The following FBLN2 variants were observed in gnomAD, a reference collection of about 807,000 sequenced individuals.
The protein encoded by FBLN2 is fibulin 2.
In FBLN2, 81 loss-of-function variants were observed where a neutral mutation model predicts 123.7. The ratio of observed to expected loss-of-function variants is 0.65; its 90% confidence interval spans 0.55 to 0.79. The LOEUF (loss-of-function observed/expected upper bound fraction) is 0.79, where lower values mean the gene tolerates loss of function less well. Ranked by LOEUF, FBLN2 falls within the 30% of genes least tolerant of loss-of-function variation. FBLN2 has a pLI of 0.00. For missense variants in FBLN2, 1,603 were observed against 1,681.3 expected, an observed-to-expected ratio of 0.95 and a Z score of 0.81; for synonymous variants, 699 against 701.4, an observed-to-expected ratio of 1.00 and a Z score of 0.05.
At chr3:13,619,160 G>A in intron 7 of FBLN2, 143 bp downstream of exon 7, 1 of 649,056 alleles carries the variant, frequency 1.5e-6, no homozygotes, top group Non-Finnish European at 2.7e-6. Flanking sequence ...TGGGGATGAT[G>A]GGCTTACCCT....
chr3:13,555,606 C>T lies in FBLN2; in HGVS notation c.-42+6398C>T, dbSNP rs60337042. Among the ~76,000 whole-genome samples, 500 of 152,202 alleles carry T rather than the reference C, an allele frequency of 3.3e-3. 3 individuals carry two copies. Among genetic ancestry groups the T allele is most frequent in the African/African-American group, 0.01 (434 of 41,566 alleles). ...AGTAGCTGGGACTACAGGCGCCCGC[C>T]ACCATGCCTGGCTAATTTTTTGTAT... On this transcript the variant is annotated intron_variant, in intron 1 of 17. Coordinates refer to ENST00000404922, the MANE Select transcript of FBLN2 (RefSeq NM_001004019.2).
At chr3:13,598,442 A>T (rs1187023787) in intron 2 of FBLN2, among the ~76,000 whole-genome samples, 1 of 152,232 alleles carries the variant, frequency 6.6e-6, no homozygotes, top group Non-Finnish European at 1.5e-5. Flanking sequence ...GCCTGTGCTC[A>T]TCTTGTGACC....
At chr3:13,577,118 G>A (rs1011150061) in intron 2 of FBLN2, among the ~76,000 whole-genome samples, 17 of 151,872 alleles carry the variant, frequency 1.1e-4, no homozygotes, top group Non-Finnish European at 2.1e-4. Flanking sequence ...AGCTACTCAG[G>A]AGGCTGAGGC....
intron 5 of FBLN2, 84 bp downstream of exon 5, chr3:13,614,248 A>G (rs544925500): frequency 7.3e-7 from 1 of 1,361,620 alleles, no homozygotes; most frequent in East Asian, 2.4e-5. Flanking sequence ...TGGGTCCATC[A>G]TCACCTGTGG....
intron 4 of FBLN2, among the ~76,000 whole-genome samples, chr3:13,612,331 C>CTTTCTTTCTTTCTTTCTTTCT (rs1559418775): frequency 2.0e-5 from 2 of 101,560 alleles, no homozygotes; most frequent in African/African-American, 6.4e-5. Context: ...TTCTTTCTTT[C>CTTTCTTTCTTTCTTTCTTTCT]TTTCTTTCTT....
At chr3:13,606,116 T>C (rs1195799359) in intron 2 of FBLN2, among the ~76,000 whole-genome samples, 4 of 152,064 alleles carry the variant, frequency 2.6e-5, no homozygotes, top group African/African-American at 7.2e-5. Context: ...TCCAGGCTGG[T>C]CTCGAACTCC....
chr3:13,602,910 C>CTTTTTTTTT (rs199820446), intron 2 of FBLN2, among the ~76,000 whole-genome samples: 1 of 148,054 alleles, frequency 6.8e-6, no homozygotes, highest in African/African-American at 2.5e-5. Context: ...TTCTTTCTTT[C>CTTTTTTTTT]TTTCTTTTTT....
intron 2 of FBLN2, among the ~76,000 whole-genome samples, chr3:13,574,904 C>T (rs2124831143): frequency 6.6e-6 from 1 of 152,334 alleles, no homozygotes; most frequent in African/African-American, 2.4e-5. Context: ...GCTGCGTGCA[C>T]ATGGCCGTGA....
rs376023220 is a variant in FBLN2, at chr3:13,629,809, C to G, written c.2843-11C>G. The G allele has an allele frequency of 1.1e-5, 17 of 1,563,676 alleles. No individual in the cohort carries two copies. Among genetic ancestry groups the G allele is most frequent in the Non-Finnish European group, 4.3e-6 (5 of 1,154,320 alleles). ...CCACCTACCCTGTACCTGCTGCCTG[C>G]CCTCCCACAGACGTGAATGAGTGCT... On this transcript the variant is annotated splice_polypyrimidine_tract_variant and intron_variant, in intron 13 of 17. Coordinates refer to ENST00000404922, the MANE Select transcript of FBLN2 (RefSeq NM_001004019.2).
intron 4 of FBLN2, among the ~76,000 whole-genome samples, chr3:13,611,575 G>T (rs1366130393): frequency 6.6e-6 from 1 of 152,128 alleles, no homozygotes; most frequent in East Asian, 1.9e-4. Flanking sequence ...TGTCTTCAAG[G>T]TTCATCCATG....
At chr3:13,597,737 C>T (rs539536721) in intron 2 of FBLN2, among the ~76,000 whole-genome samples, 23 of 152,338 alleles carry the variant, frequency 1.5e-4, no homozygotes, top group Non-Finnish European at 3.2e-4. Context: ...AGTGGTTTTC[C>T]AGAGTGGACC....
At chr3:13,636,899 G>A (rs868746024) in intron 17 of FBLN2, among the ~76,000 whole-genome samples, 6 of 152,214 alleles carry the variant, frequency 3.9e-5, no homozygotes, top group South Asian at 2.1e-4. Context: ...CAGTGTCTGA[G>A]GGCTAGGAGC....
At chr3:13,614,368 T>C (rs1202707032) in intron 5 of FBLN2, among the ~76,000 whole-genome samples, 1 of 152,080 alleles carries the variant, frequency 6.6e-6, no homozygotes, top group Non-Finnish European at 1.5e-5. Flanking sequence ...CCATCACCCT[T>C]TCACTGTCCA....
chr3:13,609,688 G>GCC, intron 4 of FBLN2, 46 bp downstream of exon 4: 27 of 512,576 alleles, frequency 5.3e-5, no homozygotes, highest in Non-Finnish European at 9.0e-5. Context: ...GTGGGGCGGG[G>GCC]CGGGAGGCTG....
chr3:13,571,536 C>T lies in FBLN2; in HGVS notation c.1181C>T (p.Pro394Leu). 6.2e-7 allele frequency: 1 copy of T among 1,613,678 alleles called. No individual in the cohort carries two copies. Among genetic ancestry groups the T allele is most frequent in the Non-Finnish European group, 8.5e-7 (1 of 1,179,850 alleles). ...CACAACATCCTGTCCACATCACTGC[C>T]TGATGCAGCCTGGATCCCACCCACC... ...SPHNILSTSL[P>L]DAAWIPPTRE... is the part of the protein sequence containing the mutation. The change falls in exon 2 of 18, where the codon CCT (proline) becomes CTT (leucine). Residue 394 changes from proline (P) to leucine (L), a missense_variant. Pro to Leu is a moderately conservative substitution (Grantham distance 98, BLOSUM62 -3). Coordinates refer to ENST00000404922, the MANE Select transcript of FBLN2 (RefSeq NM_001004019.2).
chr3:13,637,972 G>T lies in FBLN2; in HGVS notation c.*53G>T, dbSNP rs998059552. ...TGGCGCAGCCCAGGGCTCACACTGC[G>T]TGGGAGGGACTGGGTCACTATTGTG... On this transcript the variant is annotated 3_prime_UTR_variant, in exon 18 of 18. Transcript: ENST00000404922. The T allele has an allele frequency of 5.5e-6, 8 of 1,446,738 alleles. No homozygotes were observed. Among genetic ancestry groups the T allele is most frequent in the African/African-American group, 4.3e-5 (3 of 70,526 alleles). The allele number at this position is 1,446,738 out of a possible 1,614,324, so 89.6% of individuals were successfully genotyped here. A position where few individuals can be genotyped will look rare whatever the true frequency, so the allele number is the denominator to read the frequency against.
At chr3:13,598,415 C>T (rs1288135901) in intron 2 of FBLN2, among the ~76,000 whole-genome samples, 2 of 152,234 alleles carry the variant, frequency 1.3e-5, no homozygotes, top group East Asian at 1.9e-4. Flanking sequence ...CCTGTGCTTC[C>T]AGTGGTGGAA....
intron 2 of FBLN2, among the ~76,000 whole-genome samples, chr3:13,599,607 G>T (rs1574971863): frequency 6.6e-6 from 1 of 151,350 alleles, no homozygotes; most frequent in Admixed American, 6.6e-5. Context: ...AGAAGTGGAA[G>T]CAAGGAGGGC....
chr3:13,563,443 C>T (rs1703663313), intron 1 of FBLN2, among the ~76,000 whole-genome samples: 1 of 152,232 alleles, frequency 6.6e-6, no homozygotes, highest in African/African-American at 2.4e-5. Flanking sequence ...TGACATGCCT[C>T]TGAGTGGGAT....
Sources: allele counts gnomAD v4.1 joint callset (sites outside exome capture counted in the v4.1 genomes callset), GRCh38; gene constraint gnomAD v4.1.1; transcripts MANE v1.5; gene names NCBI Gene and HGNC (gene_info 2026-07-23, HGNC 2026-07-21).